The following RAG1 variants were observed in gnomAD, a reference collection of about 807,000 sequenced individuals.
RAG1 encodes V(D)J recombination-activating protein 1.
RAG1 carries 35 observed loss-of-function variants against 62.7 expected under a neutral mutation model. The ratio of observed to expected loss-of-function variants is 0.56; its 90% CI spans 0.43 to 0.74. The LOEUF (loss-of-function observed/expected upper bound fraction) is 0.74. Among genes scored for constraint, RAG1 ranks in the 30% least tolerant of loss-of-function variants. The pLI is 0.00. For synonymous variants in RAG1, 461 were observed against 470.3 expected, an observed-to-expected ratio of 0.98 and a Z score of 0.26; for missense variants, 1,169 against 1,278.6, an observed-to-expected ratio of 0.91 and a Z score of 1.31.
chr11:36,560,817 C>G (rs967345130), intron 3 of RAG1, among the ~76,000 whole-genome samples: 2 of 152,178 alleles, frequency 1.3e-5, no homozygotes, highest in South Asian at 4.1e-4. Context: ...TGGCTCTGAG[C>G]TGATCTTGAC....
At chr11:36,569,101 G>A (rs767187734) in intron 1 of RAG1, among the ~76,000 whole-genome samples, 4 of 152,170 alleles carry the variant, frequency 2.6e-5, no homozygotes, top group South Asian at 2.1e-4. Flanking sequence ...ATGTGTGTGG[G>A]TATAGGGTGG....
intron 1 of RAG1, among the ~76,000 whole-genome samples, chr11:36,511,762 T>C (rs1240468813): frequency 6.6e-6 from 1 of 152,136 alleles, no homozygotes; most frequent in Admixed American, 6.5e-5. Flanking sequence ...AAATCTCTTA[T>C]GGGATGGAAG....
intron 3 of RAG1, among the ~76,000 whole-genome samples, chr11:36,546,523 C>T (rs1228736028): frequency 6.6e-6 from 1 of 152,112 alleles, no homozygotes; most frequent in East Asian, 1.9e-4. Context: ...GGTGTTTACT[C>T]TTTATCCAAT....
In RAG1 at chr11:36,578,342, A is replaced by G. The variant is rs1472195778; in HGVS notation, c.*1906A>G. 6.0e-6 allele frequency: 1 copy of G among 166,734 alleles called. No individual in the cohort carries two copies. 10.3% of individuals were successfully genotyped at this position (166,734 alleles called of 1,614,324 possible). A position where few individuals can be genotyped will look rare whatever the true frequency, so the allele number is the denominator to read the frequency against. The stretch of plus-strand genomic sequence containing the variant: ...TAATTTAGTTGTCAAAAACATATAC[A>G]TATTTTAACATTAGTTTTTTTGAAA... On this transcript the variant is annotated 3_prime_UTR_variant, in exon 2 of 2. Transcript: ENST00000299440.
At chr11:36,530,306 T>C (rs1448100502) in intron 2 of RAG1, among the ~76,000 whole-genome samples, 1 of 152,008 alleles carries the variant, frequency 6.6e-6, no homozygotes, top group Non-Finnish European at 1.5e-5. Context: ...TCTATATAGG[T>C]ATGCCTTTTC....
intron 1 of RAG1, among the ~76,000 whole-genome samples, chr11:36,516,631 A>T (rs1860001113): frequency 6.6e-6 from 1 of 152,224 alleles, no homozygotes; most frequent in Non-Finnish European, 1.5e-5. Flanking sequence ...CGGCAGATTC[A>T]GTTTTTGAAC....
chr11:36,525,906 T>C (rs985611921), intron 2 of RAG1, among the ~76,000 whole-genome samples: 3 of 152,184 alleles, frequency 2.0e-5, no homozygotes, highest in Non-Finnish European at 4.4e-5. Context: ...TTCTTGCCTA[T>C]TGAACTGGCT....
chr11:36,516,267 A>G (rs1164623847), intron 1 of RAG1, among the ~76,000 whole-genome samples: 2 of 152,230 alleles, frequency 1.3e-5, no homozygotes, highest in Non-Finnish European at 2.9e-5. Flanking sequence ...TTGTGAGCCG[A>G]GTTAGTGCCC....
chr11:36,547,599 C>G (rs1485718102), intron 3 of RAG1, among the ~76,000 whole-genome samples: 1 of 152,082 alleles, frequency 6.6e-6, no homozygotes, highest in Non-Finnish European at 1.5e-5. Flanking sequence ...CCTGAGTAGA[C>G]CAATAACAAA....
rs183012850 is a variant in RAG1, at chr11:36,571,976, C to T, written c.-14-1315C>T. Among the ~76,000 whole-genome samples, 91 of 152,204 alleles carry T rather than the reference C, an allele frequency of 6.0e-4. 1 individual carries two copies. In the East Asian group the frequency reaches 0.014, roughly 24 times the overall value. On this transcript the variant is annotated intron_variant, in intron 1 of 1. Transcript: ENST00000299440. Reference sequence around the variant, plus strand: ...TAAGATAGAACAAACTTCAGTAAAGCGGGGACTTGAAAAGAGGCTTTGGTA... The same window carrying T: ...TAAGATAGAACAAACTTCAGTAAAGTGGGGACTTGAAAAGAGGCTTTGGTA...
chr11:36,543,210 C>T (rs944323017), intron 3 of RAG1, among the ~76,000 whole-genome samples: 1 of 152,092 alleles, frequency 6.6e-6, no homozygotes, highest in Admixed American at 6.6e-5. Flanking sequence ...TTGATTAGAC[C>T]CCAGTCTCTG....
At position 36,575,491 on chromosome 11, in the gene RAG1, T is replaced by C; in HGVS notation, c.2187T>C (p.Ile729=). The change falls in exon 2 of 2, where the codon ATT becomes ATC. Residue 729 remains isoleucine (I), a synonymous_variant. Coordinates refer to ENST00000299440, the MANE Select transcript of RAG1 (RefSeq NM_000448.3). This position sits in a 1 kb window ranked among gnomAD's most constrained non-coding sequence, Gnocchi z 4.1. ...TCGAGGCTTCTGGCTCAGTCTACAT[T>C]TGTACTCTTTGTGATGCCACCCGTC... ...EGLEASGSVY[I]CTLCDATRLE... The C allele has an allele frequency of 6.2e-7, 1 of 1,614,176 alleles. No homozygotes were observed. Among genetic ancestry groups the C allele is most frequent in the Non-Finnish European group, 8.5e-7 (1 of 1,180,036 alleles).
At chr11:36,523,734 A>G (rs1242210182) in intron 2 of RAG1, among the ~76,000 whole-genome samples, 1 of 152,138 alleles carries the variant, frequency 6.6e-6, no homozygotes, top group African/African-American at 2.4e-5. Flanking sequence ...CCATTGCATA[A>G]TTTTTTTAAA....
chr11:36,565,195 TATG>T (rs1564985636), upstream of RAG1, among the ~76,000 whole-genome samples: 1 of 152,204 alleles, frequency 6.6e-6, no homozygotes, highest in Non-Finnish European at 1.5e-5. Flanking sequence ...TCTGCTGAAT[TATG>T]ATAAGAGCTC....
At chr11:36,537,771 T>C (rs1225482081), downstream of RAG1, among the ~76,000 whole-genome samples, 1 of 152,200 alleles carries the variant, frequency 6.6e-6, no homozygotes, top group Non-Finnish European at 1.5e-5. Context: ...TTGCATTACA[T>C]TTCATTTGAT....
At chr11:36,510,842 A>T (rs575135816) in exon 1 of RAG1, 1 of 152,322 alleles carries the variant, frequency 6.6e-6, no homozygotes, top group South Asian at 2.1e-4. Flanking sequence ...TTCCCTGTTT[A>T]ACTGGTCATA....
exon 1 of RAG1, chr11:36,510,833 T>C (rs1859908412): frequency 6.6e-6 from 1 of 152,190 alleles, no homozygotes; most frequent in Non-Finnish European, 1.5e-5. Context: ...TATTTTAAAT[T>C]CCCTGTTTAA....
chr11:36,571,387 G>A (rs1850741481), intron 1 of RAG1, among the ~76,000 whole-genome samples: 1 of 152,290 alleles, frequency 6.6e-6, no homozygotes, highest in Admixed American at 6.5e-5. Flanking sequence ...GGGAGCCACA[G>A]GGAAAGACCT....
chr11:36,539,511 G>T (rs1046064268), downstream of RAG1, among the ~76,000 whole-genome samples: 1 of 152,180 alleles, frequency 6.6e-6, no homozygotes, highest in Non-Finnish European at 1.5e-5. Context: ...TCGAGACAGA[G>T]TCTTGCTCTG....
Sources: gnomAD v4.1 joint callset for allele counts (sites outside exome capture counted in the v4.1 genomes callset) on GRCh38, gnomAD v4.1.1 for gene constraint, Gnocchi (gnomAD v3.1) non-coding constraint, MANE v1.5 for transcripts, NCBI Gene and HGNC (gene_info 2026-07-23, HGNC 2026-07-21) for gene names.